The following NCKAP5 variants were observed in gnomAD, a reference collection of about 807,000 sequenced individuals.
NCKAP5 encodes the protein NCK associated protein 5.
A neutral mutation model predicts 167.0 loss-of-function variants in NCKAP5; 92 were observed. The observed-to-expected ratio is 0.55, with a 90% CI of 0.47 to 0.66. The LOEUF (loss-of-function observed/expected upper bound fraction) is 0.66, where lower values mean the gene tolerates loss of function less well. Ranked by LOEUF, NCKAP5 falls within the 30% of genes least tolerant of loss-of-function variation. The probability of loss-of-function intolerance (pLI) is 0.00; values close to 1 mark genes in which losing one functional copy is unlikely to be tolerated. For missense variants in NCKAP5, 2,378 were observed against 2,315.0 expected, an observed-to-expected ratio of 1.03 and a Z score of -0.56; for synonymous variants, 891 against 877.4, an observed-to-expected ratio of 1.02 and a Z score of -0.27.
At chr2:132,921,832 T>C (rs1486621231) in intron 8 of NCKAP5, among the ~76,000 whole-genome samples, 1 of 152,170 alleles carries the variant, frequency 6.6e-6, no homozygotes, top group Non-Finnish European at 1.5e-5. Context: ...GCTTTCCAGG[T>C]GGGAATGTAA....
At chr2:132,983,611 C>G (rs912695274) in intron 7 of NCKAP5, among the ~76,000 whole-genome samples, 2 of 152,114 alleles carry the variant, frequency 1.3e-5, no homozygotes, top group Admixed American at 6.5e-5. Context: ...TATTTCTTCC[C>G]TATGTTAATC....
At chr2:133,248,121 T>C (rs1320101114) in intron 4 of NCKAP5, among the ~76,000 whole-genome samples, 2 of 152,200 alleles carry the variant, frequency 1.3e-5, no homozygotes, top group Non-Finnish European at 2.9e-5. Context: ...AACTTGTCCA[T>C]GTGCAGTTGC....
intron 6 of NCKAP5, among the ~76,000 whole-genome samples, chr2:133,035,431 T>C (rs1443811534): frequency 6.6e-6 from 1 of 152,032 alleles, no homozygotes; most frequent in African/African-American, 2.4e-5. Flanking sequence ...ATTTACAGAA[T>C]ATTTCATCCA....
intron 3 of NCKAP5, among the ~76,000 whole-genome samples, chr2:133,505,219 G>A (rs1315929686): frequency 6.6e-6 from 1 of 152,184 alleles, no homozygotes; most frequent in Admixed American, 6.5e-5. Context: ...CCATATAAGA[G>A]GGTCTGGTGT....
chr2:133,372,389 CTA>C lies in NCKAP5; in HGVS notation c.70-69281_70-69280del, dbSNP rs1030530784. ...ATTTTATCCCATGGGAAAAATAGAACTATGTGGGATTTTAAGCCTGTAAGGGA... is the reference window on the plus strand; with the variant it reads ...ATTTTATCCCATGGGAAAAATAGAACTGTGGGATTTTAAGCCTGTAAGGGA... On this transcript the variant is annotated intron_variant, in intron 3 of 19. Coordinates refer to ENST00000409261, the MANE Select transcript of NCKAP5 (RefSeq NM_207363.3). Among the ~76,000 whole-genome samples the C allele has an allele frequency of 3.6e-4, 55 of 152,152 alleles. 1 individual carries two copies. The highest frequency in any genetic ancestry group is 1.0e-3 in the African/African-American group (43 of 41,414).
chr2:133,190,305 T>C (rs891635285), intron 5 of NCKAP5, among the ~76,000 whole-genome samples: 10 of 152,116 alleles, frequency 6.6e-5, no homozygotes, highest in Non-Finnish European at 8.8e-5. Flanking sequence ...ACATTCCATG[T>C]TCATGGATAG....
At chr2:132,988,460 CAAAAAAAAAAA>C (rs57024269) in intron 7 of NCKAP5, among the ~76,000 whole-genome samples, 1 of 70,626 alleles carries the variant, frequency 1.4e-5, no homozygotes, top group East Asian at 4.7e-4. Flanking sequence ...GACTTTGCCT[CAAAAAAAAAAA>C]AAAAAAAAAA....
intron 6 of NCKAP5, among the ~76,000 whole-genome samples, chr2:133,106,911 C>T (rs2081724786): frequency 1.3e-5 from 2 of 152,158 alleles, no homozygotes; most frequent in African/African-American, 2.4e-5. Context: ...AAGTGAATGG[C>T]TGGCAAAAAC....
the NCKAP5 span, among the ~76,000 whole-genome samples, chr2:133,649,278 A>G: frequency 1.3e-5 from 2 of 151,096 alleles, no homozygotes; most frequent in African/African-American, 2.4e-5. Context: ...TCAGGACCAG[A>G]TGACTGAACT....
chr2:133,592,526 G>A, the NCKAP5 span, among the ~76,000 whole-genome samples: 1 of 152,158 alleles, frequency 6.6e-6, no homozygotes, highest in African/African-American at 2.4e-5. Flanking sequence ...CTTAGACTTT[G>A]CCTGGATTCT....
At chr2:133,008,494 C>T (rs1417398140) in intron 6 of NCKAP5, among the ~76,000 whole-genome samples, 1 of 152,120 alleles carries the variant, frequency 6.6e-6, no homozygotes, top group African/African-American at 2.4e-5. Flanking sequence ...GGAAAAGCAG[C>T]CTGTACTTGC....
chr2:133,430,671 A>G (rs868185941), intron 3 of NCKAP5, among the ~76,000 whole-genome samples: 12 of 152,038 alleles, frequency 7.9e-5, no homozygotes, highest in African/African-American at 2.9e-4. Context: ...GTTGAAGATG[A>G]GTTAGTCATG....
At position 132,783,185 on chromosome 2, in the gene NCKAP5, G is replaced by T. The variant is rs1384870158; in HGVS notation, c.3626C>A (p.Thr1209Asn). The T allele has an allele frequency of 9.3e-6, 15 of 1,613,786 alleles. No homozygotes were observed. The highest frequency in any genetic ancestry group is 3.3e-5 in the Admixed American group (2 of 59,996). ...GCCCTGTGCTTGTGAATCCGGTAGG[G>T]TCACATTTCTTTCACCCGCTGTGAT... ...MEITAGERNV[T>N]LPDSQAQGSL... The change falls in exon 14 of 20, where the codon ACC becomes AAC. Residue 1209 changes from threonine to asparagine, a missense_variant. By Grantham distance (65) the Thr-to-Asn change is moderately conservative. Around this residue, in one of 3 missense-constraint regions of NCKAP5, gnomAD observed 1,325 missense variants for 1,274.5 expected, o/e 1.04. Coordinates refer to ENST00000409261, the MANE Select transcript of NCKAP5 (RefSeq NM_207363.3).
intron 4 of NCKAP5, among the ~76,000 whole-genome samples, chr2:133,221,259 G>A (rs573436668): frequency 6.6e-6 from 1 of 152,148 alleles, no homozygotes; most frequent in East Asian, 1.9e-4. Context: ...CTGTGGTAAA[G>A]ATATTGTGAT....
At chr2:133,150,318 G>A (rs1316565999) in intron 5 of NCKAP5, among the ~76,000 whole-genome samples, 2 of 152,122 alleles carry the variant, frequency 1.3e-5, no homozygotes, top group African/African-American at 4.8e-5. Context: ...GTTGTTGTCT[G>A]GGTTATCAGA....
At chr2:133,103,500 A>G (rs1354373441) in intron 6 of NCKAP5, among the ~76,000 whole-genome samples, 1 of 152,222 alleles carries the variant, frequency 6.6e-6, no homozygotes, top group Non-Finnish European at 1.5e-5. Context: ...CATTATTTAT[A>G]TGGAAGCTGT....
intron 3 of NCKAP5, among the ~76,000 whole-genome samples, chr2:133,508,406 AC>A (rs1683208194): frequency 6.6e-6 from 1 of 152,202 alleles, no homozygotes; most frequent in South Asian, 2.1e-4. Flanking sequence ...TGTTTGCACC[AC>A]TGTATACCTC....
intron 6 of NCKAP5, among the ~76,000 whole-genome samples, chr2:133,019,527 A>G (rs937686172): frequency 6.6e-6 from 1 of 152,258 alleles, no homozygotes; most frequent in Non-Finnish European, 1.5e-5. Flanking sequence ...AATTAAGAAC[A>G]GGGAAACAGT....
intron 6 of NCKAP5, among the ~76,000 whole-genome samples, chr2:133,049,388 CA>C (rs1300088710): frequency 2.6e-5 from 4 of 151,618 alleles, no homozygotes; most frequent in African/African-American, 9.7e-5. Context: ...TACTAAAATA[CA>C]AAAAAATTAG....
Sources: gnomAD v4.1 joint callset for allele counts (sites outside exome capture counted in the v4.1 genomes callset) on GRCh38, gnomAD v4.1.1 for gene constraint, gnomAD v4.1.1 regional missense constraint, MANE v1.5 for transcripts, NCBI Gene and HGNC (gene_info 2026-07-23, HGNC 2026-07-21) for gene names.